IRAK2: variants seen among roughly 807,000 people sequenced by gnomAD.
IRAK2 encodes interleukin-1 receptor-associated kinase-like 2.
IRAK2 carries 57 observed loss-of-function variants against 72.0 expected under a neutral mutation model. That is an observed-to-expected ratio of 0.79 (90% CI 0.64 to 0.99). IRAK2 has a LOEUF of 0.99. Ranked by LOEUF, IRAK2 falls within the 50% of genes least tolerant of loss-of-function variation. The pLI is 0.00. For synonymous variants in IRAK2, 293 were observed against 312.7 expected (o/e 0.94, Z 0.67); for missense variants, 790 against 794.4 (o/e 0.99, Z 0.07).
chr3:10,215,218 C>A (rs72624417), intron 6 of IRAK2, among the ~76,000 whole-genome samples: 2,900 of 151,222 alleles, frequency 0.019, 78 homozygotes, highest in East Asian at 0.079. Flanking sequence ...GAAACCTCAT[C>A]TCTACTAAAA....
At chr3:10,222,956 AC>A in intron 9 of IRAK2, 125 bp downstream of exon 9, 1 of 865,484 alleles carries the variant, frequency 1.2e-6, no homozygotes. Flanking sequence ...ACAGGGGCTG[AC>A]AAACTGTGGC....
chr3:10,206,247 C>G (rs1231312704), intron 3 of IRAK2, among the ~76,000 whole-genome samples: 1 of 152,118 alleles, frequency 6.6e-6, no homozygotes, highest in Non-Finnish European at 1.5e-5. Context: ...CCTAGTGTAC[C>G]CTCTGCACAC....
chr3:10,196,087 T>C (rs576312037), intron 2 of IRAK2, among the ~76,000 whole-genome samples: 1 of 152,322 alleles, frequency 6.6e-6, no homozygotes, highest in East Asian at 1.9e-4. Flanking sequence ...ACATTGTTCA[T>C]TGTCATTCTG....
At chr3:10,239,167 G>A in intron 12 of IRAK2, 128 bp downstream of exon 12, 1 of 863,508 alleles carries the variant, frequency 1.2e-6, no homozygotes, top group Non-Finnish European at 1.7e-6. Context: ...CAACCAGCCA[G>A]TTTTTCACAG....
Position 10,219,723 on chromosome 3 carries a change from G to C in IRAK2, c.947G>C (p.Cys316Ser). The change falls in exon 8 of 13, where the codon TGC becomes TCC. Residue 316 changes from cysteine to serine, a missense_variant. By Grantham distance (112) the Cys-to-Ser change is moderately radical (BLOSUM62 -1). Coordinates refer to ENST00000256458, the MANE Select transcript of IRAK2 (RefSeq NM_001570.4). ...CCCTGGCCCCAGCGTGTCAGCATCT[G>C]CTCAGGGCTGCTCTGTGCCGTCGAG... ...PLPWPQRVSICSGLLCAVEYL... is the reference protein window; with the variant it reads ...PLPWPQRVSISSGLLCAVEYL... 2 of 1,614,096 alleles carry C rather than the reference G, an allele frequency of 1.2e-6. No homozygotes were observed. Among genetic ancestry groups the C allele is most frequent in the African/African-American group, 2.7e-5 (2 of 75,026 alleles).
intron 12 of IRAK2, 78 bp from the exon 13 acceptor site, chr3:10,242,038 G>C: frequency 3.6e-6 from 3 of 822,638 alleles, no homozygotes; most frequent in Non-Finnish European, 6.0e-6. Context: ...TCAGAAACCT[G>C]ATTTAAGTGA....
At chr3:10,200,234 C>T in intron 2 of IRAK2, 135 bp from the exon 3 acceptor site, 1 of 736,670 alleles carries the variant, frequency 1.4e-6, no homozygotes, top group East Asian at 2.7e-5. Context: ...AGGGAAAGAC[C>T]CTCCCGCCCT....
At chr3:10,209,495 G>C in intron 3 of IRAK2, 94 bp from the exon 4 acceptor site, 1 of 739,010 alleles carries the variant, frequency 1.4e-6, no homozygotes, top group South Asian at 2.8e-5. Flanking sequence ...TTTGGGGAGT[G>C]AACAGGAGAC....
chr3:10,180,110 C>A (rs1696938169), intron 2 of IRAK2, among the ~76,000 whole-genome samples: 1 of 152,150 alleles, frequency 6.6e-6, no homozygotes, highest in African/African-American at 2.4e-5. Context: ...TGAAGGGTGG[C>A]TGTGAAGTCG....
At chr3:10,182,938 G>C (rs1286504664) in intron 2 of IRAK2, among the ~76,000 whole-genome samples, 1 of 151,628 alleles carries the variant, frequency 6.6e-6, no homozygotes, top group Non-Finnish European at 1.5e-5. Context: ...ATCTGGTTAA[G>C]TTTTTGAATT....
intron 1 of IRAK2, among the ~76,000 whole-genome samples, chr3:10,167,442 T>C (rs1489772378): frequency 1.3e-5 from 2 of 149,980 alleles, no homozygotes. Context: ...TGAGACGGAG[T>C]CTCGCTTTGT....
In IRAK2 at chr3:10,243,490, T is replaced by C. The variant is rs1205106309; in HGVS notation, c.*1262T>C. The C allele has an allele frequency of 6.6e-6, 1 of 152,622 alleles. No individual in the cohort carries two copies. The highest frequency in any genetic ancestry group is 2.4e-5 in the African/African-American group (1 of 41,446). 9.5% of individuals were successfully genotyped at this position (152,622 alleles called of 1,614,324 possible). A position where few individuals can be genotyped will look rare whatever the true frequency, so the allele number is the denominator to read the frequency against. On this transcript the variant is annotated 3_prime_UTR_variant, in exon 13 of 13. Coordinates refer to ENST00000256458, the MANE Select transcript of IRAK2 (RefSeq NM_001570.4). ...TGCTTGTTCTTCATCCCTGGGCTGT[T>C]GGGAGGAACAGATGAGACAGTGGCT...
chr3:10,219,725 T>G lies in IRAK2; in HGVS notation c.949T>G (p.Ser317Ala). The change falls in exon 8 of 13, where the codon TCA (serine) becomes GCA (alanine). Residue 317 changes from serine (S) to alanine (A), a missense_variant. Ser to Ala is a moderately conservative substitution (Grantham distance 99, BLOSUM62 1). Transcript: ENST00000256458. ...CTGGCCCCAGCGTGTCAGCATCTGC[T>G]CAGGGCTGCTCTGTGCCGTCGAGTA... ...LPWPQRVSIC[S>A]GLLCAVEYLH... 1 of 1,613,680 alleles carries G rather than the reference T, an allele frequency of 6.2e-7. No homozygotes were observed.
At chr3:10,179,670 A>G (rs1696931682) in intron 2 of IRAK2, among the ~76,000 whole-genome samples, 1 of 151,776 alleles carries the variant, frequency 6.6e-6, no homozygotes, top group African/African-American at 2.4e-5. Flanking sequence ...CTGACCTCAA[A>G]TGATCCACCT....
chr3:10,168,491 G>A (rs1696740062), intron 1 of IRAK2, among the ~76,000 whole-genome samples: 1 of 152,188 alleles, frequency 6.6e-6, no homozygotes, highest in African/African-American at 2.4e-5. Flanking sequence ...GATTACAGGT[G>A]TGAGCACCAT....
intron 1 of IRAK2, among the ~76,000 whole-genome samples, chr3:10,166,237 G>A (rs1287937176): frequency 1.3e-5 from 2 of 152,222 alleles, no homozygotes; most frequent in African/African-American, 4.8e-5. Flanking sequence ...GATCAGATGT[G>A]TCCTAATAGA....
At chr3:10,170,516 C>A (rs1488460740) in intron 1 of IRAK2, among the ~76,000 whole-genome samples, 3 of 152,230 alleles carry the variant, frequency 2.0e-5, no homozygotes, top group East Asian at 3.8e-4. Context: ...CTGTTCCTCT[C>A]TAGCCCATCA....
chr3:10,174,489 A>G (rs1005774203), intron 1 of IRAK2, among the ~76,000 whole-genome samples: 1 of 151,722 alleles, frequency 6.6e-6, no homozygotes, highest in African/African-American at 2.4e-5. Flanking sequence ...CCCTTCTTCT[A>G]CTCGGCCCAC....
chr3:10,194,256 C>T (rs1697230149), intron 2 of IRAK2, among the ~76,000 whole-genome samples: 1 of 152,272 alleles, frequency 6.6e-6, no homozygotes, highest in Admixed American at 6.5e-5. Flanking sequence ...AGAGCCGACG[C>T]TTCCCCACGC....
Sources: allele counts gnomAD v4.1 joint callset (sites outside exome capture counted in the v4.1 genomes callset), GRCh38; gene constraint gnomAD v4.1.1; transcripts MANE v1.5; gene names NCBI Gene and HGNC (gene_info 2026-07-23, HGNC 2026-07-21).